Variants in KCTD20 observed in about 807,000 individuals in gnomAD.
KCTD20 encodes BTB/POZ domain-containing protein KCTD20.
In KCTD20, 30 loss-of-function variants were observed where a neutral mutation model predicts 39.6. That is an observed-to-expected ratio of 0.76 (90% CI 0.57 to 1.03). The LOEUF is 1.03. Among genes scored for constraint, KCTD20 ranks in the 50% least tolerant of loss-of-function variants. KCTD20 has a pLI of 0.00. For synonymous variants in KCTD20, 162 were observed against 180.6 expected (o/e 0.90, Z 0.83); for missense variants, 422 against 522.0 (o/e 0.81, Z 1.87).
rs959221322 is a variant in KCTD20 at position 36,480,057 on chromosome 6, G to A, written c.658+346G>A. 2.6e-5 allele frequency among the ~76,000 whole-genome samples: 4 copies of A among 152,216 alleles called. No individual in the cohort carries two copies. The East Asian group carries it at 7.7e-4, about 29-fold the overall frequency. ...ATCCGCCCGCCCTCAGCCTCCCAAT[G>A]TGCTGGGATTACAGGCGTGAGCCAC... On this transcript the variant is annotated intron_variant, in intron 5 of 7. Transcript: ENST00000373731.
chr6:36,452,999 CTTTTTTTT>C (rs59865602), intron 1 of KCTD20, among the ~76,000 whole-genome samples: 2 of 58,158 alleles, frequency 3.4e-5, no homozygotes, highest in Non-Finnish European at 6.1e-5. Flanking sequence ...GTTTTCTTAG[CTTTTTTTT>C]TTTTTTTTTT....
At chr6:36,468,433 C>T (rs1028347494) in intron 1 of KCTD20, among the ~76,000 whole-genome samples, 38 of 152,174 alleles carry the variant, frequency 2.5e-4, no homozygotes, top group African/African-American at 7.2e-4. Flanking sequence ...GAGATCTTTT[C>T]GAGTGCAACA....
Position 36,459,395 on chromosome 6 carries a change from A to G in KCTD20, c.-46-10657A>G, listed in dbSNP as rs529670203. ...CTTACACTATATACCATAATTTTTC[A>G]CTTCATATTTTAACATTTTTAAAAT... is the stretch of plus-strand genomic sequence containing the variant. On this transcript the variant is annotated intron_variant, in intron 1 of 7. Transcript: ENST00000373731. Among the ~76,000 whole-genome samples the G allele has an allele frequency of 2.6e-5, 4 of 152,356 alleles. No individual in the cohort carries two copies. The South Asian group carries it at 8.3e-4, about 32-fold the overall frequency.
intron 1 of KCTD20, among the ~76,000 whole-genome samples, chr6:36,448,711 C>T (rs530004981): frequency 3.3e-5 from 5 of 152,288 alleles, no homozygotes; most frequent in South Asian, 2.1e-4. Flanking sequence ...TCTTTGTGTC[C>T]GGAATTTATT....
chr6:36,459,599 T>A (rs150864494), intron 1 of KCTD20, among the ~76,000 whole-genome samples: 1 of 152,378 alleles, frequency 6.6e-6, no homozygotes, highest in East Asian at 1.9e-4. Flanking sequence ...CAGCAATTGG[T>A]GCTGGTCCTT....
Position 36,486,871 on chromosome 6 carries a change from T to C in KCTD20, c.968-12T>C. 1 of 1,606,792 alleles carries C rather than the reference T, an allele frequency of 6.2e-7. No individual in the cohort carries two copies. Among genetic ancestry groups the C allele is most frequent in the South Asian group, 1.1e-5 (1 of 90,402 alleles). On this transcript the variant is annotated splice_polypyrimidine_tract_variant and intron_variant, in intron 7 of 7. Coordinates refer to ENST00000373731, the MANE Select transcript of KCTD20 (RefSeq NM_173562.5). Reference sequence around the variant, plus strand: ...ATTTGTTAGTCATGAGAATGGCCTTTTTCCATTGCAGGTTACCCTACCTGT... The same window carrying C: ...ATTTGTTAGTCATGAGAATGGCCTTCTTCCATTGCAGGTTACCCTACCTGT...
intron 1 of KCTD20, among the ~76,000 whole-genome samples, chr6:36,449,220 G>A (rs1490819216): frequency 6.6e-6 from 1 of 152,156 alleles, no homozygotes; most frequent in Non-Finnish European, 1.5e-5. Flanking sequence ...AGTGCTGATT[G>A]GTCCATTTAC....
intron 1 of KCTD20, among the ~76,000 whole-genome samples, chr6:36,446,024 G>GTTGTTT (rs1554158231): frequency 1.6e-5 from 2 of 126,538 alleles, no homozygotes; most frequent in Non-Finnish European, 1.6e-5. Flanking sequence ...TATGAACTCA[G>GTTGTTT]TTTTTTTTTT....
intron 1 of KCTD20, among the ~76,000 whole-genome samples, chr6:36,453,448 A>G (rs189270536): frequency 6.7e-6 from 1 of 150,184 alleles, no homozygotes; most frequent in African/African-American, 2.4e-5. Flanking sequence ...TTAATAAGCT[A>G]TTATTTTCCT....
intron 3 of KCTD20, among the ~76,000 whole-genome samples, chr6:36,477,736 C>T (rs1034283952): frequency 4.0e-5 from 6 of 149,864 alleles, no homozygotes; most frequent in Non-Finnish European, 8.9e-5. Context: ...CCGCCCATCT[C>T]GGCTCCCAAA....
Position 36,487,258 on chromosome 6 carries a change from C to G in KCTD20, c.*83C>G. On this transcript the variant is annotated 3_prime_UTR_variant, in exon 8 of 8. Coordinates refer to ENST00000373731, the MANE Select transcript of KCTD20 (RefSeq NM_173562.5). Reference sequence around the variant, plus strand: ...AGCCCTCCCTCGTGATTTGTCTCACCTTGAGTAGGAGACATGCTTCTCCCC... The same window carrying G: ...AGCCCTCCCTCGTGATTTGTCTCACGTTGAGTAGGAGACATGCTTCTCCCC... 7.3e-7 allele frequency: 1 copy of G among 1,375,700 alleles called. No homozygotes were observed. Among genetic ancestry groups the G allele is most frequent in the Non-Finnish European group, 1.0e-6 (1 of 996,294 alleles). 85.2% of individuals were successfully genotyped at this position (1,375,700 alleles called of 1,614,324 possible).
intron 1 of KCTD20, among the ~76,000 whole-genome samples, chr6:36,465,349 T>A (rs1775716209): frequency 6.7e-6 from 1 of 149,182 alleles, no homozygotes; most frequent in African/African-American, 2.5e-5. Flanking sequence ...GATACATCAA[T>A]ATTATTGCCC....
Position 36,481,556 on chromosome 6 carries a change from C to G in KCTD20, c.659-6C>G. 6.2e-7 allele frequency: 1 copy of G among 1,608,774 alleles called. No individual in the cohort carries two copies. ...AAGCATGTTCACCTACATTTTCTCT[C>G]TGCAGGTGCTTTACTCCATGAACTG... On this transcript the variant is annotated splice_polypyrimidine_tract_variant and splice_region_variant and intron_variant, in intron 5 of 7. Transcript: ENST00000373731.
rs535221891 is a variant in KCTD20, at chr6:36,478,877, G to A, written c.435-244G>A. On this transcript the variant is annotated intron_variant, in intron 3 of 7. Coordinates refer to ENST00000373731, the MANE Select transcript of KCTD20 (RefSeq NM_173562.5). ...AAGAAACTCACTACAGATGAACTTT[G>A]TGGACTTGATCCTTCATTCTTCTTT... Among the ~76,000 whole-genome samples, 8 of 152,322 alleles carry A rather than the reference G, an allele frequency of 5.3e-5. No individual in the cohort carries two copies. The South Asian group carries it at 1.0e-3, about 20-fold the overall frequency.
chr6:36,479,958 A>AT (rs1176569768), intron 5 of KCTD20, among the ~76,000 whole-genome samples: 1 of 151,632 alleles, frequency 6.6e-6, no homozygotes, highest in Non-Finnish European at 1.5e-5. Context: ...ACACCTGGCT[A>AT]ATTTTTGTAT....
At chr6:36,472,127 C>T (rs1451669578) in intron 2 of KCTD20, among the ~76,000 whole-genome samples, 4 of 152,168 alleles carry the variant, frequency 2.6e-5, no homozygotes, top group Non-Finnish European at 5.9e-5. Flanking sequence ...GGACTACAGG[C>T]GTGAGCCACG....
At chr6:36,475,791 A>G (rs1294285344) in intron 3 of KCTD20, among the ~76,000 whole-genome samples, 2 of 152,062 alleles carry the variant, frequency 1.3e-5, no homozygotes, top group East Asian at 1.9e-4. Flanking sequence ...TCTGCATGGC[A>G]CAAGAACAAA....
intron 2 of KCTD20, 88 bp from the exon 3 acceptor site, chr6:36,474,701 G>A (rs1776010731): frequency 7.9e-7 from 1 of 1,264,560 alleles, no homozygotes; most frequent in Non-Finnish European, 1.1e-6. Flanking sequence ...TTTTTTGTTT[G>A]TTTACTTGTT....
intron 1 of KCTD20, among the ~76,000 whole-genome samples, chr6:36,467,464 G>A (rs1775793521): frequency 7.0e-6 from 1 of 142,816 alleles, no homozygotes; most frequent in African/African-American, 2.6e-5. Flanking sequence ...TCAGCCTCCC[G>A]AGTAGCTGGG....
Sources: gnomAD v4.1 joint callset for allele counts (sites outside exome capture counted in the v4.1 genomes callset) on GRCh38, gnomAD v4.1.1 for gene constraint, MANE v1.5 for transcripts, NCBI Gene and HGNC (gene_info 2026-07-23, HGNC 2026-07-21) for gene names.